Variants in ABCC8 observed in about 807,000 individuals in gnomAD.
The protein encoded by ABCC8 is ATP-binding cassette sub-family C member 8.
In ABCC8, 137 loss-of-function variants were observed where a neutral mutation model predicts 188.0. The ratio of observed to expected loss-of-function variants is 0.73; its 90% confidence interval spans 0.63 to 0.84. The LOEUF is 0.84. Among genes scored for constraint, ABCC8 ranks in the 40% least tolerant of loss-of-function variants. The probability of loss-of-function intolerance (pLI) is 0.00; values close to 1 mark genes in which losing one functional copy is unlikely to be tolerated. For missense variants in ABCC8, 1,750 were observed against 2,072.7 expected (o/e 0.84, Z 3.02); for synonymous variants, 797 against 846.5 (o/e 0.94, Z 1.01).
At chr11:17,405,909 G>T (rs1025470811) in intron 26 of ABCC8, among the ~76,000 whole-genome samples, 21 of 152,344 alleles carry the variant, frequency 1.4e-4, no homozygotes, top group Admixed American at 1.4e-3. Context: ...CAGCCTGCCG[G>T]CTGGCTGACC....
rs1327025219 is a variant in ABCC8 at position 17,442,750 on chromosome 11, T to C, written c.1600A>G (p.Arg534Gly). 4.3e-6 allele frequency: 7 copies of C among 1,613,794 alleles called. No individual in the cohort carries two copies. Among genetic ancestry groups the C allele is most frequent in the African/African-American group, 1.3e-5 (1 of 74,930 alleles). The change falls in exon 10 of 39, where the codon AGG becomes GGG. Residue 534 changes from arginine to glycine, a missense_variant. Physicochemically the swap from Arg to Gly is moderately radical, Grantham distance 125. Transcript: ENST00000389817. ...ATGGAGGTATAGATGGCAAAGGCCCTGAGGCTGGTCATCTCCTTCCTGCGG... is the reference window on the plus strand; with the variant it reads ...ATGGAGGTATAGATGGCAAAGGCCCCGAGGCTGGTCATCTCCTTCCTGCGG... ...TTRRKEMTSL[R>G]AFAIYTSISI...
intron 37 of ABCC8, 97 bp from the exon 38 acceptor site, chr11:17,393,856 C>T: frequency 1.2e-6 from 2 of 1,611,412 alleles, no homozygotes; most frequent in Non-Finnish European, 1.7e-6. Flanking sequence ...GGCTCAGCTC[C>T]CATCTGACCC....
chr11:17,452,362 C>G (rs1956847412), intron 7 of ABCC8, among the ~76,000 whole-genome samples: 1 of 152,212 alleles, frequency 6.6e-6, no homozygotes, highest in African/African-American at 2.4e-5. Context: ...AGCAGTGGTC[C>G]TCAACCTTTT....
At position 17,404,705 on chromosome 11, in the gene ABCC8, T is replaced by C; in HGVS notation, c.3400-36A>G. On this transcript the variant is annotated intron_variant, in intron 27 of 38. Transcript: ENST00000389817. The surrounding 1 kb of genome is among the most constrained non-coding windows in gnomAD (Gnocchi z 4.7). ...CGAGGGGGAGAGAGTGAGGTGAATT[T>C]TGGTATTGACTGTGTTTAGAGTGCT... 1 of 1,572,876 alleles carries C rather than the reference T, an allele frequency of 6.4e-7. No homozygotes were observed. Among genetic ancestry groups the C allele is most frequent in the Non-Finnish European group, 8.6e-7 (1 of 1,159,706 alleles).
intron 2 of ABCC8, 107 bp downstream of exon 2, chr11:17,474,779 C>A (rs946010636): frequency 1.5e-6 from 2 of 1,296,332 alleles, no homozygotes; most frequent in South Asian, 2.4e-5. Flanking sequence ...GATGTAGTAA[C>A]AAAAGACATG....
chr11:17,440,623 G>A (rs1956277395), intron 10 of ABCC8, among the ~76,000 whole-genome samples: 1 of 152,228 alleles, frequency 6.6e-6, no homozygotes, highest in Non-Finnish European at 1.5e-5. Flanking sequence ...GCTCCATTCT[G>A]AGAAAATCAA....
At chr11:17,443,014 T>C in intron 9 of ABCC8, 132 bp from the exon 10 acceptor site, 1 of 1,532,792 alleles carries the variant, frequency 6.5e-7, no homozygotes. Context: ...CCTCCCCCAT[T>C]GACTCCATTT....
At chr11:17,441,867 G>A (rs894332968) in intron 10 of ABCC8, among the ~76,000 whole-genome samples, 1 of 152,138 alleles carries the variant, frequency 6.6e-6, no homozygotes, top group Non-Finnish European at 1.5e-5. Flanking sequence ...GGATCACGAG[G>A]TCAGGAGTTC....
At position 17,402,848 on chromosome 11, in the gene ABCC8, G is replaced by A. The variant is rs4757513; in HGVS notation, c.3558-95C>T. The A allele has an allele frequency of 0.03, 44,893 of 1,476,094 alleles. 5,619 individuals are homozygous for A. The African/African-American group carries it at 0.37, about 12-fold the overall frequency. The allele number at this position is 1,476,094 out of a possible 1,614,324, so 91.4% of individuals were successfully genotyped here. On this transcript the variant is annotated intron_variant, in intron 28 of 38. Transcript: ENST00000389817. ...CTCCACCTGCTACCGCTGTGTGGGTGAATGGCCTTACCTCTCTAGGCCTCA... is the reference window on the plus strand; with the variant it reads ...CTCCACCTGCTACCGCTGTGTGGGTAAATGGCCTTACCTCTCTAGGCCTCA...
Position 17,405,492 on chromosome 11 carries a change from AC to A in ABCC8, c.3399+1del. ...GGGATAGTGTGGCACGGTCCTCTGT[AC>A]CTGGTCGATGGTGTTACAGTCAGAT... On this transcript the variant is annotated splice_donor_variant, in intron 27 of 38. Transcript: ENST00000389817. LOFTEE classifies it high-confidence loss of function. The A allele has an allele frequency of 6.2e-7, 1 of 1,614,204 alleles. No individual in the cohort carries two copies. The highest frequency in any genetic ancestry group is 8.5e-7 in the Non-Finnish European group (1 of 1,180,042).
intron 10 of ABCC8, chr11:17,435,562 G>T: frequency 2.3e-6 from 3 of 1,322,582 alleles, no homozygotes; most frequent in South Asian, 1.2e-5. Flanking sequence ...AGCACAAAAG[G>T]ATTTAAACAA....
At chr11:17,451,093 T>A (rs1956799658) in intron 7 of ABCC8, among the ~76,000 whole-genome samples, 1 of 152,226 alleles carries the variant, frequency 6.6e-6, no homozygotes, top group Admixed American at 6.5e-5. Flanking sequence ...AAAACGATTA[T>A]ATGCTAACCA....
chr11:17,452,671 G>A (rs1260119486), intron 7 of ABCC8, among the ~76,000 whole-genome samples: 1 of 152,184 alleles, frequency 6.6e-6, no homozygotes, highest in East Asian at 1.9e-4. Context: ...ATCTTAGAGG[G>A]GACCCTGTCT....
intron 11 of ABCC8, 23 bp from the exon 12 acceptor site, chr11:17,430,982 G>T: frequency 6.2e-7 from 1 of 1,612,474 alleles, no homozygotes; most frequent in Non-Finnish European, 8.5e-7. Context: ...GCACAAGTGA[G>T]GCCAGGGTGG....
chr11:17,446,180 G>A (rs1335093026), intron 8 of ABCC8, among the ~76,000 whole-genome samples: 4 of 151,872 alleles, frequency 2.6e-5, no homozygotes. Flanking sequence ...TGGTCAGGCT[G>A]GTCTCGAACT....
intron 18 of ABCC8, 40 bp downstream of exon 18, chr11:17,415,264 G>T (rs1180169249): frequency 1.3e-6 from 2 of 1,594,686 alleles, no homozygotes; most frequent in South Asian, 1.1e-5. Flanking sequence ...CACCCTGGAG[G>T]GAGTTGACCC....
At position 17,392,976 on chromosome 11, in the gene ABCC8, T is replaced by A; in HGVS notation, c.*15A>T. On this transcript the variant is annotated 3_prime_UTR_variant, in exon 39 of 39. Coordinates refer to ENST00000389817, the MANE Select transcript of ABCC8 (RefSeq NM_000352.6). ...GCAGGGTCCGAATGTGGGATGGCAC[T>A]TGGGCTCTGGCAGGTCACTTGTCTG... The A allele has an allele frequency of 6.2e-7, 1 of 1,613,926 alleles. No homozygotes were observed. Among genetic ancestry groups the A allele is most frequent in the South Asian group, 1.1e-5 (1 of 91,080 alleles).
intron 7 of ABCC8, 130 bp downstream of exon 7, chr11:17,452,989 G>T: frequency 1.1e-6 from 1 of 938,060 alleles, no homozygotes; most frequent in Non-Finnish European, 1.7e-6. Context: ...TTAAAACATC[G>T]TTAATGGGCA....
chr11:17,410,189 C>T (rs1022470052), intron 22 of ABCC8: 6 of 301,710 alleles, frequency 2.0e-5, no homozygotes, highest in Middle Eastern at 1.0e-3. Flanking sequence ...CCCATGACTG[C>T]GGGGATGGGT....
Sources: allele counts gnomAD v4.1 joint callset (sites outside exome capture counted in the v4.1 genomes callset), GRCh38; gene constraint gnomAD v4.1.1; non-coding constraint Gnocchi (gnomAD v3.1); transcripts MANE v1.5; gene names NCBI Gene and HGNC (gene_info 2026-07-23, HGNC 2026-07-21).